ATP8B4: variants seen among roughly 807,000 people sequenced by gnomAD.
The protein encoded by ATP8B4 is ATPase phospholipid transporting 8B4 (putative), also known as probable phospholipid-transporting ATPase IM.
Under a neutral mutation model 145.6 loss-of-function variants are expected in ATP8B4, and 133 were observed. That is an observed-to-expected ratio of 0.91 (90% CI 0.79 to 1.05). ATP8B4 has a LOEUF of 1.05. Ranked by LOEUF, ATP8B4 falls within the 50% of genes least tolerant of loss-of-function variation. The pLI is 0.00. For missense variants in ATP8B4, 1,458 were observed against 1,425.2 expected (o/e 1.02, Z -0.37); for synonymous variants, 507 against 492.9 (o/e 1.03, Z -0.38).
chr15:49,981,024 C>T (rs1193405100), intron 11 of ATP8B4, among the ~76,000 whole-genome samples, 182 bp downstream of exon 11: 2 of 152,142 alleles, frequency 1.3e-5, no homozygotes, highest in African/African-American at 4.8e-5. Flanking sequence ...TAAATTCTAC[C>T]ACTGGTTGAG....
chr15:50,114,246 C>T (rs947301924), intron 1 of ATP8B4, among the ~76,000 whole-genome samples: 2 of 150,720 alleles, frequency 1.3e-5, no homozygotes, highest in Non-Finnish European at 2.9e-5. Context: ...AATTTGTAGT[C>T]CTTTATTCCT....
intron 1 of ATP8B4, among the ~76,000 whole-genome samples, chr15:50,158,949 C>A (rs1245457920): frequency 6.6e-6 from 1 of 152,192 alleles, no homozygotes; most frequent in Non-Finnish European, 1.5e-5. Flanking sequence ...TCTCAAGTAC[C>A]CAAGGACACA....
At chr15:49,993,786 T>C (rs2047213019) in intron 9 of ATP8B4, among the ~76,000 whole-genome samples, 1 of 152,170 alleles carries the variant, frequency 6.6e-6, no homozygotes, top group Admixed American at 6.6e-5. Flanking sequence ...GAAACCTGGA[T>C]TTTAGCCCAG....
chr15:50,141,862 C>A (rs2044216939), intron 1 of ATP8B4, among the ~76,000 whole-genome samples: 1 of 152,134 alleles, frequency 6.6e-6, no homozygotes, highest in Admixed American at 6.5e-5. Flanking sequence ...ACAGCACACA[C>A]AACATATTTC....
intron 20 of ATP8B4, among the ~76,000 whole-genome samples, chr15:49,909,072 A>G (rs1290344694): frequency 6.6e-6 from 1 of 152,018 alleles, no homozygotes; most frequent in Non-Finnish European, 1.5e-5. Flanking sequence ...GCACCCATAC[A>G]TACCACTGGA....
rs558130865 is a variant in ATP8B4 at position 49,945,101 on chromosome 15, G to A, written c.1288-10919C>T. Among the ~76,000 whole-genome samples, 4 of 152,092 alleles carry A rather than the reference G, an allele frequency of 2.6e-5. No homozygotes were observed. In the East Asian group the frequency reaches 7.7e-4, roughly 29 times the overall value. On this transcript the variant is annotated intron_variant, in intron 14 of 27. Transcript: ENST00000284509. ...AAATGCATATAATTAAAAGAAGAAC[G>A]ATCTCAGACAATTTAATTTTATACC...
At chr15:49,901,452 A>G (rs1218538029) in intron 20 of ATP8B4, among the ~76,000 whole-genome samples, 1 of 152,184 alleles carries the variant, frequency 6.6e-6, no homozygotes, top group African/African-American at 2.4e-5. Flanking sequence ...GAGTAAACAT[A>G]ATGAAAATAC....
chr15:50,101,735 A>G (rs2056364693), intron 2 of ATP8B4, among the ~76,000 whole-genome samples: 1 of 152,172 alleles, frequency 6.6e-6, no homozygotes, highest in African/African-American at 2.4e-5. Flanking sequence ...ACCCTAAAAC[A>G]GATGGACTTA....
chr15:50,010,627 A>G (rs1409364886), intron 7 of ATP8B4, among the ~76,000 whole-genome samples: 2 of 152,098 alleles, frequency 1.3e-5, no homozygotes, highest in African/African-American at 4.8e-5. Flanking sequence ...GGAAATGGAC[A>G]AGGTGATACT....
intron 16 of ATP8B4, among the ~76,000 whole-genome samples, chr15:49,924,942 A>AT (rs776929055): frequency 4.6e-5 from 7 of 152,124 alleles, no homozygotes; most frequent in Admixed American, 3.9e-4. Context: ...TTTCCCTTAT[A>AT]TTTTCTCCCT....
intron 23 of ATP8B4, among the ~76,000 whole-genome samples, chr15:49,890,680 T>C (rs1294157873): frequency 6.6e-6 from 1 of 152,238 alleles, no homozygotes; most frequent in African/African-American, 2.4e-5. Flanking sequence ...TTACAGCATA[T>C]TGTCCTTAGA....
rs552823273 is a variant in ATP8B4 at position 50,043,823 on chromosome 15, G to A, written c.300+771C>T. 6.6e-4 allele frequency among the ~76,000 whole-genome samples: 100 copies of A among 151,666 alleles called. 1 individual carries two copies. The highest frequency in any genetic ancestry group is 2.2e-3 in the African/African-American group (92 of 41,374). On this transcript the variant is annotated intron_variant, in intron 5 of 27. Transcript: ENST00000284509. ...AAAAAATTAGCCGGGCGCGGTGGCG[G>A]GCGCCTGTGGTCCCAGCTACTCGGG... is the stretch of plus-strand genomic sequence containing the variant.
intron 2 of ATP8B4, among the ~76,000 whole-genome samples, chr15:50,086,600 A>C (rs2055111899): frequency 8.6e-6 from 1 of 116,212 alleles, no homozygotes; most frequent in Non-Finnish European, 1.6e-5. Flanking sequence ...ATAGAGATCT[A>C]TATTTATTAT....
intron 1 of ATP8B4, among the ~76,000 whole-genome samples, chr15:50,108,916 T>C (rs1416411341): frequency 6.6e-6 from 1 of 152,220 alleles, no homozygotes; most frequent in Non-Finnish European, 1.5e-5. Context: ...TAAACACTTG[T>C]TGAATGAAAA....
chr15:49,879,358 G>A lies in ATP8B4; in HGVS notation c.2781+18C>T. The A allele has an allele frequency of 6.3e-7, 1 of 1,588,928 alleles. No individual in the cohort carries two copies. The highest frequency in any genetic ancestry group is 8.6e-7 in the Non-Finnish European group (1 of 1,162,710). On this transcript the variant is annotated intron_variant, in intron 24 of 27. Transcript: ENST00000284509. The stretch of plus-strand genomic sequence containing the variant: ...CATAAAAGAGAAACTAAGTTATAAA[G>A]ATGGAAAAAAAACATACCTGGTCAA...
At chr15:49,902,111 G>A (rs72733088) in intron 20 of ATP8B4, 2,607 of 164,456 alleles carry the variant, frequency 0.016, 33 homozygotes, top group Non-Finnish European at 0.025. Context: ...ACAGTTGAGT[G>A]CAGGCTTTGA....
intron 1 of ATP8B4, among the ~76,000 whole-genome samples, chr15:50,112,294 G>T (rs2153672316): frequency 6.6e-6 from 1 of 152,146 alleles, no homozygotes; most frequent in South Asian, 2.1e-4. Context: ...CCAGAGACCT[G>T]CCCAGGCGAG....
rs375080776 is a variant in ATP8B4 at position 49,901,184 on chromosome 15, C to A, written c.2197G>T (p.Val733Phe). Residue 733 changes from valine to phenylalanine, a missense_variant, in exon 21 of 28, where the codon GTT becomes TTT. By Grantham distance (50) the Val-to-Phe change is conservative. Transcript: ENST00000284509. ...TCCAGCTGCTGCTTTTTTTCACAAACTACATGGCCATTGGAAAAATTTCTG... is the reference window on the plus strand; with the variant it reads ...TCCAGCTGCTGCTTTTTTTCACAAAATACATGGCCATTGGAAAAATTTCTG... ...QNRNFSNGHV[V>F]CEKKQQLELD... is the part of the protein sequence containing the mutation. 3 of 1,613,564 alleles carry A rather than the reference C, an allele frequency of 1.9e-6. No homozygotes were observed. Among genetic ancestry groups the A allele is most frequent in the Non-Finnish European group, 2.5e-6 (3 of 1,179,666 alleles).
At chr15:50,176,496 G>A (rs1271497884) in intron 1 of ATP8B4, among the ~76,000 whole-genome samples, 2 of 151,592 alleles carry the variant, frequency 1.3e-5, no homozygotes, top group Non-Finnish European at 2.9e-5. Context: ...GATACCACCT[G>A]TACCCCAATA....
Sources: gnomAD v4.1 joint callset for allele counts (sites outside exome capture counted in the v4.1 genomes callset) on GRCh38, gnomAD v4.1.1 for gene constraint, MANE v1.5 for transcripts, NCBI Gene and HGNC (gene_info 2026-07-23, HGNC 2026-07-21) for gene names.